Variants in DCLRE1A observed in about 807,000 individuals in gnomAD.
DCLRE1A encodes DNA cross-link repair 1A, also known as DNA cross-link repair 1A protein.
Under a neutral mutation model 91.9 loss-of-function variants are expected in DCLRE1A, and 64 were observed. That is an observed-to-expected ratio of 0.70 (90% CI 0.57 to 0.86). The LOEUF (loss-of-function observed/expected upper bound fraction) is 0.86, where lower values mean the gene tolerates loss of function less well. Among genes scored for constraint, DCLRE1A ranks in the 40% least tolerant of loss-of-function variants. The pLI is 0.00. For synonymous variants in DCLRE1A, 416 were observed against 431.1 expected, an observed-to-expected ratio of 0.96 and a Z score of 0.43; for missense variants, 1,145 against 1,213.3, an observed-to-expected ratio of 0.94 and a Z score of 0.84.
chr10:113,835,107 C>G lies in DCLRE1A; in HGVS notation c.*45G>C. On this transcript the variant is annotated 3_prime_UTR_variant, in exon 9 of 9. Coordinates refer to ENST00000361384, the MANE Select transcript of DCLRE1A (RefSeq NM_014881.5). ...TTCTATAGATTTAACTACTAACAAG[C>G]TACATCCAAGGAACTTAACTACTAC... The G allele has an allele frequency of 6.4e-7, 1 of 1,564,038 alleles. No homozygotes were observed. Among genetic ancestry groups the G allele is most frequent in the Non-Finnish European group, 8.7e-7 (1 of 1,150,786 alleles).
Position 113,837,166 on chromosome 10 carries a change from T to G in DCLRE1A, c.2858A>C (p.Tyr953Ser). 1 of 1,613,260 alleles carries G rather than the reference T, an allele frequency of 6.2e-7. No individual in the cohort carries two copies. ...AGGTCGAAATGCCAAAATCTGATTG[T>G]ATTTCCCACCACACTTCTTCAAATG... ...QSHLKKCGGK[Y>S]NQILAFRPTG... The change falls in exon 8 of 9, where the codon TAC (tyrosine) becomes TCC (serine). Residue 953 changes from tyrosine (Y) to serine (S), a missense_variant. Coordinates refer to ENST00000361384, the MANE Select transcript of DCLRE1A (RefSeq NM_014881.5).
chr10:113,842,427 T>C lies in DCLRE1A; in HGVS notation c.2581A>G (p.Thr861Ala), dbSNP rs200602494. The change falls in exon 6 of 9, where the codon ACT becomes GCT. Residue 861 changes from threonine to alanine, a missense_variant. Coordinates refer to ENST00000361384, the MANE Select transcript of DCLRE1A (RefSeq NM_014881.5). The part of the protein sequence containing the change: ...QQEVIRFAIN[T>A]AFEAVTLNPH... ...TTTAGAGTTACAGCCTCAAAGGCAGTGTTGATGGCAAACCGGATAACCTCT... is the reference window on the plus strand; with the variant it reads ...TTTAGAGTTACAGCCTCAAAGGCAGCGTTGATGGCAAACCGGATAACCTCT... 69 of 1,613,772 alleles carry C rather than the reference T, an allele frequency of 4.3e-5. No individual in the cohort carries two copies. Among genetic ancestry groups the C allele is most frequent in the Non-Finnish European group, 5.5e-5 (65 of 1,179,854 alleles).
At chr10:113,852,233 A>G (rs986022187) in intron 1 of DCLRE1A, among the ~76,000 whole-genome samples, 3 of 152,264 alleles carry the variant, frequency 2.0e-5, no homozygotes, top group Middle Eastern at 3.4e-3. Context: ...CTACTCGGGA[A>G]GCTGAGGCAG....
At chr10:113,850,730 T>G in intron 1 of DCLRE1A, 86 bp from the exon 2 acceptor site, 1 of 1,079,374 alleles carries the variant, frequency 9.3e-7, no homozygotes, top group Non-Finnish European at 1.3e-6. Flanking sequence ...TGGGTTCCAT[T>G]ATTTAATATC....
At position 113,850,722 on chromosome 10, in the gene DCLRE1A, G is replaced by A; in HGVS notation, c.461-78C>T. On this transcript the variant is annotated intron_variant, in intron 1 of 8. Transcript: ENST00000361384. The stretch of plus-strand genomic sequence containing the variant: ...TTGACAACATTAGCAGTATAAATTG[G>A]GTTCCATTATTTAATATCCACATTG... The A allele has an allele frequency of 4.2e-6, 5 of 1,193,646 alleles. No homozygotes were observed. The South Asian group carries it at 5.7e-5, about 14-fold the overall frequency. The allele number at this position is 1,193,646 out of a possible 1,614,324, so 73.9% of individuals were successfully genotyped here.
chr10:113,845,847 A>G (rs898240322), intron 3 of DCLRE1A, 44 bp from the exon 4 acceptor site: 3 of 1,431,086 alleles, frequency 2.1e-6, no homozygotes, highest in Non-Finnish European at 3.0e-6. Flanking sequence ...TAAAACACTA[A>G]ATATTTTATT....
chr10:113,837,688 C>A (rs961169239), intron 7 of DCLRE1A, among the ~76,000 whole-genome samples: 1 of 152,138 alleles, frequency 6.6e-6, no homozygotes, highest in Non-Finnish European at 1.5e-5. Context: ...TAATAGCATT[C>A]TTTTCAGGTG....
chr10:113,847,568 AAAAATTT>A (rs5788049), intron 2 of DCLRE1A, among the ~76,000 whole-genome samples: 106,465 of 151,398 alleles, frequency 0.7, 38,748 homozygotes, highest in East Asian at 0.84. Flanking sequence ...TTGCACCAAA[AAAAATTT>A]TTTTAAATTC....
At chr10:113,839,981 C>T (rs115379254) in intron 7 of DCLRE1A, among the ~76,000 whole-genome samples, 289 of 152,252 alleles carry the variant, frequency 1.9e-3, no homozygotes, top group African/African-American at 6.5e-3. Flanking sequence ...TAAAAACCAA[C>T]TTGAATTCCT....
chr10:113,848,500 T>C, intron 2 of DCLRE1A, among the ~76,000 whole-genome samples: 1 of 152,210 alleles, frequency 6.6e-6, no homozygotes, highest in Non-Finnish European at 1.5e-5. Context: ...AACCAAAGTA[T>C]ATGAAAGGGC....
At chr10:113,843,585 T>A (rs1845481043) in intron 5 of DCLRE1A, among the ~76,000 whole-genome samples, 1 of 152,210 alleles carries the variant, frequency 6.6e-6, no homozygotes, top group African/African-American at 2.4e-5. Flanking sequence ...TATATACAAT[T>A]TTTATTTACT....
chr10:113,848,415 T>C (rs1247563852), intron 2 of DCLRE1A, among the ~76,000 whole-genome samples: 5 of 152,182 alleles, frequency 3.3e-5, no homozygotes, highest in Non-Finnish European at 5.9e-5. Context: ...CATAAATACA[T>C]TGAACAAATT....
Position 113,850,095 on chromosome 10 carries a change from T to A in DCLRE1A, c.1010A>T (p.Asp337Val), listed in dbSNP as rs1221640588. 2 of 1,613,922 alleles carry A rather than the reference T, an allele frequency of 1.2e-6. No individual in the cohort carries two copies. The highest frequency in any genetic ancestry group is 1.1e-5 in the South Asian group (1 of 91,056). The change falls in exon 2 of 9, where the codon GAT (aspartate) becomes GTT (valine). Residue 337 changes from aspartate to valine, a missense_variant. Physicochemically the swap from Asp to Val is radical, Grantham distance 152. Transcript: ENST00000361384. ...ESSKDGSLEE[D>V]DDSCGFFKKR... ...TTTAAAAAAACCACAGCTGTCATCA[T>A]CTTCTTCGAGGCTGCCATCTTTTGA...
In DCLRE1A at chr10:113,849,902, T is replaced by C; in HGVS notation, c.1203A>G (p.Ala401=). ...NNESTLPYDL[A]CTGGDFVLFP... is the part of the protein sequence containing the mutation. ...ACAACACAAAATCACCACCAGTACA[T>C]GCCAGATCATAAGGCAAAGTACTCT... Residue 401 remains alanine, a synonymous_variant, in exon 2 of 9, where the codon GCA becomes GCG. Coordinates refer to ENST00000361384, the MANE Select transcript of DCLRE1A (RefSeq NM_014881.5). The C allele has an allele frequency of 6.2e-7, 1 of 1,613,968 alleles. No homozygotes were observed. Among genetic ancestry groups the C allele is most frequent in the Non-Finnish European group, 8.5e-7 (1 of 1,180,002 alleles).
Position 113,853,403 on chromosome 10 carries a change from T to C in DCLRE1A, c.-221A>G. 2.1e-6 allele frequency: 1 copy of C among 467,328 alleles called. No homozygotes were observed. The highest frequency in any genetic ancestry group is 3.7e-6 in the Non-Finnish European group (1 of 267,304). The allele number at this position is 467,328 out of a possible 1,614,324, so 28.9% of individuals were successfully genotyped here. A position where few individuals can be genotyped will look rare whatever the true frequency, so the allele number is the denominator to read the frequency against. On this transcript the variant is annotated 5_prime_UTR_variant, in exon 1 of 9. Coordinates refer to ENST00000361384, the MANE Select transcript of DCLRE1A (RefSeq NM_014881.5). The stretch of plus-strand genomic sequence containing the variant: ...ACCTGCTATTCCATTTATACCACAA[T>C]GAAACTAAGATAAACCTATCACAGG...
chr10:113,848,913 G>A, intron 2 of DCLRE1A, 67 bp downstream of exon 2: 1 of 1,423,186 alleles, frequency 7.0e-7, no homozygotes. Context: ...ACACACAATG[G>A]GCAATAAACA....
At position 113,849,779 on chromosome 10, in the gene DCLRE1A, T is replaced by C; in HGVS notation, c.1326A>G (p.Lys442=). Reference sequence around the variant, plus strand: ...ATGATTCTTCAATTACCTGTTTCTGTTTATTTGATTGAGCTGAGTGAAATT... The same window carrying C: ...ATGATTCTTCAATTACCTGTTTCTGCTTATTTGATTGAGCTGAGTGAAATT... ...EPEFHSAQSN[K]QKQVIEESSV... The change falls in exon 2 of 9, where the codon AAA becomes AAG. Residue 442 remains lysine (K), a synonymous_variant. Transcript: ENST00000361384. The C allele has an allele frequency of 1.2e-6, 2 of 1,614,184 alleles. No individual in the cohort carries two copies. The highest frequency in any genetic ancestry group is 1.7e-6 in the Non-Finnish European group (2 of 1,180,038).
At position 113,849,517 on chromosome 10, in the gene DCLRE1A, G is replaced by A; in HGVS notation, c.1588C>T (p.Pro530Ser). ...ILNTENLSST[P>S]APKYLKILPS... is the part of the protein sequence containing the mutation. ...AATATTTTCAAATACTTCGGAGCAGGTGTACTAGACAAGTTTTCTGTATTT... is the reference window on the plus strand; with the variant it reads ...AATATTTTCAAATACTTCGGAGCAGATGTACTAGACAAGTTTTCTGTATTT... The change falls in exon 2 of 9, where the codon CCT (proline) becomes TCT (serine). Residue 530 changes from proline to serine, a missense_variant. By Grantham distance (74) the Pro-to-Ser change is moderately conservative (BLOSUM62 -1). Transcript: ENST00000361384. 6.2e-6 allele frequency: 10 copies of A among 1,613,802 alleles called. No homozygotes were observed. Among genetic ancestry groups the A allele is most frequent in the Middle Eastern group, 3.3e-4 (2 of 6,060 alleles).
rs914642072 is a variant in DCLRE1A at position 113,845,724 on chromosome 10, A to G, written c.2339T>C (p.Ile780Thr). The G allele has an allele frequency of 6.2e-7, 1 of 1,614,176 alleles. No homozygotes were observed. The highest frequency in any genetic ancestry group is 8.5e-7 in the Non-Finnish European group (1 of 1,180,020). Residue 780 changes from isoleucine (I) to threonine (T), a missense_variant, in exon 4 of 9, where the codon ATT becomes ACT. Transcript: ENST00000361384. ...CAAAACAACTTTGACACCATTCACA[A>G]TACATTCAGTGTCCAGTGGCAATGG... The part of the protein sequence containing the change: ...IHPLPLDTEC[I>T]VNGVKVVLLD...
Sources: gnomAD v4.1 joint callset for allele counts (sites outside exome capture counted in the v4.1 genomes callset) on GRCh38, gnomAD v4.1.1 for gene constraint, MANE v1.5 for transcripts, NCBI Gene and HGNC (gene_info 2026-07-23, HGNC 2026-07-21) for gene names.